The following AMOTL1 variants were observed in gnomAD, a reference collection of about 807,000 sequenced individuals.
The protein encoded by AMOTL1 is angiomotin-like protein 1.
In AMOTL1, 45 loss-of-function variants were observed where a neutral mutation model predicts 102.9. The ratio of observed to expected loss-of-function variants is 0.44; its 90% CI spans 0.34 to 0.56. AMOTL1 has a LOEUF of 0.56. Ranked by LOEUF, AMOTL1 falls within the 20% of genes least tolerant of loss-of-function variation. AMOTL1 has a pLI of 0.01. For synonymous variants in AMOTL1, 481 were observed against 484.7 expected (o/e 0.99, Z 0.10); for missense variants, 1,114 against 1,225.6 (o/e 0.91, Z 1.36).
intron 1 of AMOTL1, among the ~76,000 whole-genome samples, chr11:94,773,465 T>C (rs1227198326): frequency 6.6e-6 from 1 of 152,226 alleles, no homozygotes; most frequent in African/African-American, 2.4e-5. Flanking sequence ...GACTATCAGG[T>C]GTAGTTCCCA....
intron 3 of AMOTL1, among the ~76,000 whole-genome samples, chr11:94,749,503 T>C (rs147226673): frequency 6.6e-6 from 1 of 152,326 alleles, no homozygotes; most frequent in Non-Finnish European, 1.5e-5. Flanking sequence ...TCTCTCTAGG[T>C]ATCCCTGAAT....
At chr11:94,768,340 C>A (rs575563481), upstream of AMOTL1, 52 of 1,359,188 alleles carry the variant, frequency 3.8e-5, no homozygotes, top group Non-Finnish European at 4.6e-5. Context: ...GAGCGGGGAG[C>A]GCGGACGGCG....
At chr11:94,836,121 C>A (rs1232400841) in intron 6 of AMOTL1, among the ~76,000 whole-genome samples, 2 of 152,094 alleles carry the variant, frequency 1.3e-5, no homozygotes, top group African/African-American at 4.8e-5. Flanking sequence ...TCTATAAGGT[C>A]TTGTGTGAAC....
At chr11:94,739,921 A>G (rs1053648726) in intron 2 of AMOTL1, among the ~76,000 whole-genome samples, 9 of 152,340 alleles carry the variant, frequency 5.9e-5, no homozygotes, top group African/African-American at 2.2e-4. Flanking sequence ...TACAGTTCTC[A>G]GAGCATAACC....
At chr11:94,812,341 G>A (rs1951697187) in intron 3 of AMOTL1, among the ~76,000 whole-genome samples, 2 of 152,150 alleles carry the variant, frequency 1.3e-5, no homozygotes, top group Non-Finnish European at 2.9e-5. Flanking sequence ...AACTTGAGGT[G>A]GGGGAGGGGG....
chr11:94,785,019 G>T (rs1158605011), intron 1 of AMOTL1, among the ~76,000 whole-genome samples: 1 of 152,064 alleles, frequency 6.6e-6, no homozygotes, highest in East Asian at 1.9e-4. Flanking sequence ...AGATGGAAGT[G>T]ATGAGGAAGG....
At chr11:94,748,722 A>C (rs2135486949) in intron 3 of AMOTL1, among the ~76,000 whole-genome samples, 1 of 152,244 alleles carries the variant, frequency 6.6e-6, no homozygotes, top group East Asian at 1.9e-4. Flanking sequence ...CCCACTTACC[A>C]TCCTTTATCA....
In AMOTL1 at chr11:94,866,158, G is replaced by T; in HGVS notation, c.2478G>T (p.Lys826Asn). 6.2e-7 allele frequency: 1 copy of T among 1,613,904 alleles called. No homozygotes were observed. Among genetic ancestry groups the T allele is most frequent in the Non-Finnish European group, 8.5e-7 (1 of 1,179,856 alleles). The change falls in exon 11 of 13, where the codon AAG (lysine) becomes AAT (asparagine). Residue 826 changes from lysine (K) to asparagine (N), a missense_variant. By Grantham distance (94) the Lys-to-Asn change is moderately conservative. Coordinates refer to ENST00000433060, the MANE Select transcript of AMOTL1 (RefSeq NM_130847.3). ...AAAAGAAGGAAGAGAAGACCTGGAA[G>T]GGGAGCATAGGTGAGCCCCACACCT... ...AEEKKEEKTW[K>N]GSIGLLLGKE...
chr11:94,825,089 AT>A (rs892039364), intron 4 of AMOTL1, among the ~76,000 whole-genome samples: 2 of 151,734 alleles, frequency 1.3e-5, no homozygotes, highest in Non-Finnish European at 2.9e-5. Context: ...CCTTTTGGTT[AT>A]TTTTTTTGCA....
At chr11:94,793,874 GA>G (rs768413324) in intron 1 of AMOTL1, among the ~76,000 whole-genome samples, 6 of 152,206 alleles carry the variant, frequency 3.9e-5, no homozygotes, top group Non-Finnish European at 5.9e-5. Context: ...ATTCTTGTCA[GA>G]ATCCTTTCTC....
At chr11:94,787,415 C>T (rs1383389230) in intron 1 of AMOTL1, among the ~76,000 whole-genome samples, 1 of 152,028 alleles carries the variant, frequency 6.6e-6, no homozygotes, top group Non-Finnish European at 1.5e-5. Flanking sequence ...AGTGCTAAGT[C>T]ATGTAGTACT....
chr11:94,809,604 A>G (rs1033010442), intron 3 of AMOTL1, among the ~76,000 whole-genome samples: 1 of 152,244 alleles, frequency 6.6e-6, no homozygotes, highest in Admixed American at 6.5e-5. Context: ...CCTTTCTTCT[A>G]TCATCCATTA....
At chr11:94,729,947 CCTT>C (rs1359084089) in intron 2 of AMOTL1, among the ~76,000 whole-genome samples, 1 of 152,128 alleles carries the variant, frequency 6.6e-6, no homozygotes, top group Admixed American at 6.5e-5. Context: ...CATTTGCAGA[CCTT>C]CTGCACTACA....
intron 6 of AMOTL1, among the ~76,000 whole-genome samples, chr11:94,844,016 T>G (rs1254475518): frequency 6.6e-6 from 1 of 152,192 alleles, no homozygotes; most frequent in African/African-American, 2.4e-5. Context: ...CTCCTTTGTC[T>G]ATGGCCTCTT....
At chr11:94,853,121 TTCTA>T (rs145609698) in intron 7 of AMOTL1, among the ~76,000 whole-genome samples, 3,684 of 152,318 alleles carry the variant, frequency 0.024, 75 homozygotes, top group African/African-American at 0.051. Flanking sequence ...CTTTTTTTAA[TTCTA>T]TCTATTTTAT....
rs139924376 is a variant in AMOTL1 at position 94,738,482 on chromosome 11, T to C, written c.86-2456T>C. 3.6e-3 allele frequency among the ~76,000 whole-genome samples: 541 copies of C among 152,280 alleles called. 4 individuals are homozygous for C. The highest frequency in any genetic ancestry group is 5.6e-3 in the Non-Finnish European group (378 of 68,020). On this transcript the variant is annotated intron_variant, in intron 2 of 4. Coordinates refer to the AMOTL1 transcript ENST00000299004. ...CATGTTGGCCAGGCTGGTCTCAAAT[T>C]CAGGACCTCAGGTGATCCACCCACC...
In AMOTL1 at chr11:94,872,983, A is replaced by G. The variant is rs1269199284; in HGVS notation, c.*2188A>G. 1.3e-5 allele frequency: 2 copies of G among 152,184 alleles called. No homozygotes were observed. Among genetic ancestry groups the G allele is most frequent in the Non-Finnish European group, 2.9e-5 (2 of 68,044 alleles). 9.4% of individuals were successfully genotyped at this position (152,184 alleles called of 1,614,324 possible). The stretch of plus-strand genomic sequence containing the variant: ...AGTTTATGTTGGGGATGGACCAGAA[A>G]GGAAAATGTCTAGAGATAGGAAGGT... On this transcript the variant is annotated 3_prime_UTR_variant, in exon 13 of 13. Transcript: ENST00000433060.
chr11:94,843,494 C>A (rs1952347976), intron 6 of AMOTL1, among the ~76,000 whole-genome samples: 1 of 152,100 alleles, frequency 6.6e-6, no homozygotes, highest in African/African-American at 2.4e-5. Flanking sequence ...TCTTTCCACT[C>A]CCACAACCTC....
chr11:94,803,619 A>T (rs1402492230), intron 3 of AMOTL1, among the ~76,000 whole-genome samples: 1 of 152,234 alleles, frequency 6.6e-6, no homozygotes, highest in Non-Finnish European at 1.5e-5. Flanking sequence ...AGCAAAGGCA[A>T]GCATTTGGAT....
Sources: allele counts gnomAD v4.1 joint callset (sites outside exome capture counted in the v4.1 genomes callset), GRCh38; gene constraint gnomAD v4.1.1; transcripts MANE v1.5; gene names NCBI Gene and HGNC (gene_info 2026-07-23, HGNC 2026-07-21).